The following AFF3 variants were observed in gnomAD, a reference collection of about 807,000 sequenced individuals.
The protein encoded by AFF3 is ALF transcription elongation factor 3.
In AFF3, 32 loss-of-function variants were observed where a neutral mutation model predicts 129.7. The ratio of observed to expected loss-of-function variants is 0.25; its 90% CI spans 0.19 to 0.33. The LOEUF is 0.33. Among genes scored for constraint, AFF3 ranks in the 10% least tolerant of loss-of-function variants. AFF3 has a pLI of 1.00. For missense variants in AFF3, 1,373 were observed against 1,592.0 expected, an observed-to-expected ratio of 0.86 and a Z score of 2.34; for synonymous variants, 644 against 635.4, an observed-to-expected ratio of 1.01 and a Z score of -0.20.
intron 22 of AFF3, 41 bp from the exon 23 acceptor site, chr2:99,554,773 G>A (rs753334057): frequency 1.2e-4 from 192 of 1,610,880 alleles, no homozygotes; most frequent in South Asian, 4.6e-4. Context: ...TGCCATCTGC[G>A]TGAGGTGAAA....
At chr2:99,986,752 T>A (rs1456733713) in intron 7 of AFF3, among the ~76,000 whole-genome samples, 1 of 152,204 alleles carries the variant, frequency 6.6e-6, no homozygotes, top group African/African-American at 2.4e-5. Context: ...CAAGATGACC[T>A]AGTATGTTCT....
chr2:100,104,296 C>T (rs1165898359), intron 4 of AFF3, 106 bp downstream of exon 4: 1 of 159,730 alleles, frequency 6.3e-6, no homozygotes, highest in Admixed American at 6.9e-5. Context: ...CCCACCCCCA[C>T]GGCGGCCGGC....
At chr2:99,863,208 C>T (rs1432116696) in intron 7 of AFF3, among the ~76,000 whole-genome samples, 1 of 152,142 alleles carries the variant, frequency 6.6e-6, no homozygotes, top group Non-Finnish European at 1.5e-5. Context: ...TATCATTTGC[C>T]AACAGCTTCT....
intron 7 of AFF3, among the ~76,000 whole-genome samples, chr2:99,933,165 A>T (rs1674202966): frequency 6.6e-6 from 1 of 152,158 alleles, no homozygotes; most frequent in Admixed American, 6.5e-5. Context: ...TTTAAATAAA[A>T]ACTTAATTTC....
chr2:99,746,188 AAAG>A (rs1211040870), intron 9 of AFF3, among the ~76,000 whole-genome samples: 1 of 152,042 alleles, frequency 6.6e-6, no homozygotes. Context: ...AAAAAAAAAA[AAAG>A]GTAGCAGGAC....
chr2:99,707,293 T>C lies in AFF3; in HGVS notation c.1091+19784A>G, dbSNP rs544250991. 31 of 985,342 alleles carry C rather than the reference T, an allele frequency of 3.1e-5. No individual in the cohort carries two copies. In the South Asian group the frequency reaches 1.0e-3, roughly 33 times the overall value. 61.0% of individuals were successfully genotyped at this position (985,342 alleles called of 1,614,324 possible). The stretch of plus-strand genomic sequence containing the variant: ...GAGCCTTCTTGCTTTTAGTAATTTG[T>C]CTGGTTAGAGATTAAAGAAAAAAAA... On this transcript the variant is annotated intron_variant, in intron 11 of 24. Transcript: ENST00000672756.
At chr2:99,915,606 G>A (rs1019063103) in intron 7 of AFF3, among the ~76,000 whole-genome samples, 1 of 152,074 alleles carries the variant, frequency 6.6e-6, no homozygotes, top group Non-Finnish European at 1.5e-5. Flanking sequence ...TTCACTGCCT[G>A]ATGCCTTGAA....
At position 99,547,226 on chromosome 2, in the gene AFF3, C is replaced by A. The variant is rs1009111591; in HGVS notation, c.*4248G>T. The stretch of plus-strand genomic sequence containing the variant: ...AATATTCACAGAAATTGGTGGATGT[C>A]TTTTACGTACAACTCAACTTCTCTC... On this transcript the variant is annotated 3_prime_UTR_variant, in exon 25 of 25. Coordinates refer to ENST00000672756, the MANE Select transcript of AFF3 (RefSeq NM_001386135.1). The A allele has an allele frequency of 4.6e-6, 1 of 215,556 alleles. No homozygotes were observed. Among genetic ancestry groups the A allele is most frequent in the Admixed American group, 5.8e-5 (1 of 17,138 alleles). 13.4% of individuals were successfully genotyped at this position (215,556 alleles called of 1,614,324 possible). A position where few individuals can be genotyped will look rare whatever the true frequency, so the allele number is the denominator to read the frequency against.
chr2:99,735,927 CT>C (rs1680216352), intron 10 of AFF3, among the ~76,000 whole-genome samples: 1 of 152,176 alleles, frequency 6.6e-6, no homozygotes, highest in Non-Finnish European at 1.5e-5. Flanking sequence ...TTCTTAATTT[CT>C]AAACATGTGT....
chr2:99,561,350 T>C (rs970712926), intron 20 of AFF3, among the ~76,000 whole-genome samples: 1 of 152,252 alleles, frequency 6.6e-6, no homozygotes, highest in Non-Finnish European at 1.5e-5. Context: ...TGCAGACTTG[T>C]AGCATTTTTC....
intron 11 of AFF3, among the ~76,000 whole-genome samples, chr2:99,688,816 G>A (rs1191378066): frequency 1.3e-5 from 2 of 152,078 alleles, no homozygotes; most frequent in African/African-American, 2.4e-5. Flanking sequence ...CTGGAGGCTC[G>A]AGCTCATATT....
intron 8 of AFF3, among the ~76,000 whole-genome samples, chr2:99,833,066 A>G (rs1453269428): frequency 6.6e-6 from 1 of 152,208 alleles, no homozygotes; most frequent in Admixed American, 6.5e-5. Context: ...TCTACCTTCC[A>G]GTAGGCAGAG....
chr2:100,048,286 T>G (rs1686002201), intron 4 of AFF3, among the ~76,000 whole-genome samples: 1 of 152,246 alleles, frequency 6.6e-6, no homozygotes, highest in South Asian at 2.1e-4. Context: ...AAAATGGGAC[T>G]TGTTAATGCC....
rs913961250 is a variant in AFF3, at chr2:99,970,205, G to A, written c.873+36427C>T. Among the ~76,000 whole-genome samples, 8 of 152,250 alleles carry A rather than the reference G, an allele frequency of 5.3e-5. No individual in the cohort carries two copies. The South Asian group carries it at 6.2e-4, about 12-fold the overall frequency. On this transcript the variant is annotated intron_variant, in intron 7 of 24. Coordinates refer to ENST00000672756, the MANE Select transcript of AFF3 (RefSeq NM_001386135.1). ...AGCTAACAACAGACTGGGGTTGTCC[G>A]TGTACCGTCCTGAAGGGAGAGGTGT...
intron 7 of AFF3, among the ~76,000 whole-genome samples, chr2:99,915,625 C>T (rs1383461902): frequency 6.6e-6 from 1 of 152,120 alleles, no homozygotes; most frequent in Non-Finnish European, 1.5e-5. Context: ...AAATTCTTAA[C>T]AATTTTTTAA....
intron 13 of AFF3, among the ~76,000 whole-genome samples, chr2:99,620,323 T>A (rs72817032): frequency 2.0e-5 from 3 of 152,066 alleles, no homozygotes; most frequent in Non-Finnish European, 4.4e-5. Flanking sequence ...GATAAATGTA[T>A]ACTTAATTAA....
chr2:99,774,606 A>C (rs1683748021), intron 8 of AFF3, among the ~76,000 whole-genome samples: 1 of 152,224 alleles, frequency 6.6e-6, no homozygotes, highest in East Asian at 1.9e-4. Flanking sequence ...GATGGATTAA[A>C]GACTTAAATG....
rs182032265 is a variant in AFF3, at chr2:100,060,098, C to T, written c.53+44304G>A. Among the ~76,000 whole-genome samples, 9 of 152,272 alleles carry T rather than the reference C, an allele frequency of 5.9e-5. No individual in the cohort carries two copies. The East Asian group carries it at 7.7e-4, about 13-fold the overall frequency. ...CAACCCATGAGGGAAACACACCCTC[C>T]ATCCTCCTTTGGTTCAACCCCAGCC... On this transcript the variant is annotated intron_variant, in intron 4 of 24. Transcript: ENST00000672756.
chr2:99,580,014 T>G (rs895200679), intron 17 of AFF3, among the ~76,000 whole-genome samples: 1 of 152,210 alleles, frequency 6.6e-6, no homozygotes, highest in Non-Finnish European at 1.5e-5. Flanking sequence ...GATGTCAACA[T>G]TTTAAAATTG....
Sources: gnomAD v4.1 joint callset for allele counts (sites outside exome capture counted in the v4.1 genomes callset) on GRCh38, gnomAD v4.1.1 for gene constraint, MANE v1.5 for transcripts, NCBI Gene and HGNC (gene_info 2026-07-23, HGNC 2026-07-21) for gene names.